The following GLI3 variants were observed in gnomAD, a reference collection of about 807,000 sequenced individuals.
GLI3 encodes the protein transcription activator GLI3.
A neutral mutation model predicts 100.8 loss-of-function variants in GLI3; 20 were observed. That is an observed-to-expected ratio of 0.20 (90% confidence interval 0.14 to 0.29). The LOEUF is 0.29. GLI3 is among the 10% of genes least tolerant of loss of function. GLI3 has a pLI of 1.00. For missense variants in GLI3, 2,040 were observed against 2,128.5 expected (o/e 0.96, Z 0.82); for synonymous variants, 938 against 860.5 (o/e 1.09, Z -1.58).
At chr7:42,196,841 G>C (rs146424930) in intron 2 of GLI3, among the ~76,000 whole-genome samples, 2 of 152,192 alleles carry the variant, frequency 1.3e-5, no homozygotes, top group African/African-American at 4.8e-5. Context: ...AAAAGGAAAT[G>C]TATCTGAATA....
At chr7:42,084,027 C>T (rs1183008492) in intron 3 of GLI3, among the ~76,000 whole-genome samples, 3 of 152,206 alleles carry the variant, frequency 2.0e-5, no homozygotes, top group Non-Finnish European at 4.4e-5. Flanking sequence ...TAAGCTTTTA[C>T]TTCTGGCAAC....
intron 1 of GLI3, among the ~76,000 whole-genome samples, chr7:42,228,462 C>T (rs1388816377): frequency 6.6e-6 from 1 of 152,228 alleles, no homozygotes; most frequent in African/African-American, 2.4e-5. Flanking sequence ...GAGAAGCGGT[C>T]TGTATCAAGG....
chr7:42,039,933 A>T, intron 7 of GLI3, 105 bp downstream of exon 7: 1 of 873,780 alleles, frequency 1.1e-6, no homozygotes. Context: ...ATGCACTTTT[A>T]TTCTTCCTCA....
In GLI3 at chr7:41,972,343, C is replaced by T. The variant is rs1203449618; in HGVS notation, c.2097G>A (p.Lys699=). 4.3e-6 allele frequency: 7 copies of T among 1,613,798 alleles called. No homozygotes were observed. Among genetic ancestry groups the T allele is most frequent in the Non-Finnish European group, 5.9e-6 (7 of 1,179,888 alleles). Residue 699 remains lysine (K), a synonymous_variant, in exon 13 of 15, where the codon AAG becomes AAA. Transcript: ENST00000395925. This position sits in a 1 kb window ranked among gnomAD's most constrained non-coding sequence, Gnocchi z 4.4. ...CLQVKTVKAE[K]PMTSQPSPGG... ...AGGAGAGTGAATGACATACCATTGG[C>T]TTCTCTGCCTTGACGGTTTTCACCT...
intron 10 of GLI3, among the ~76,000 whole-genome samples, chr7:41,989,987 CAAAAAAAAAA>C (rs60763223): frequency 4.8e-5 from 3 of 62,852 alleles, no homozygotes; most frequent in Non-Finnish European, 7.1e-5. Context: ...ACTCTGTCTC[CAAAAAAAAAA>C]AAAAAAAAAA....
intron 1 of GLI3, among the ~76,000 whole-genome samples, chr7:42,235,461 G>C (rs1390141754): frequency 2.0e-5 from 3 of 152,104 alleles, no homozygotes; most frequent in Non-Finnish European, 4.4e-5. Flanking sequence ...ATGCGCTCAA[G>C]CTGAAACTCT....
At chr7:42,090,058 G>A (rs1303225707) in intron 3 of GLI3, among the ~76,000 whole-genome samples, 4 of 152,108 alleles carry the variant, frequency 2.6e-5, no homozygotes, top group East Asian at 1.9e-4. Context: ...GTAGGCAACC[G>A]TAACACAATG....
At chr7:42,119,951 C>T (rs1361799777) in intron 3 of GLI3, among the ~76,000 whole-genome samples, 8 of 152,204 alleles carry the variant, frequency 5.3e-5, no homozygotes, top group Admixed American at 1.3e-4. Flanking sequence ...GAGTCATCCA[C>T]ACAAACTCAC....
intron 2 of GLI3, among the ~76,000 whole-genome samples, chr7:42,169,922 T>G (rs2128675715): frequency 6.6e-6 from 1 of 152,000 alleles, no homozygotes; most frequent in Middle Eastern, 3.4e-3. Flanking sequence ...ATTCAATTAC[T>G]TCTTATATTT....
intron 3 of GLI3, 93 bp downstream of exon 3, chr7:42,148,133 G>A (rs113847213): frequency 5.7e-5 from 65 of 1,149,012 alleles, no homozygotes; most frequent in South Asian, 4.1e-4. Flanking sequence ...TTCATAAAGC[G>A]CGCACACACA....
At chr7:42,226,173 A>G (rs1327177433) in intron 1 of GLI3, among the ~76,000 whole-genome samples, 1 of 152,224 alleles carries the variant, frequency 6.6e-6, no homozygotes. Context: ...TCCCTTCGAC[A>G]CACACATAAC....
intron 3 of GLI3, among the ~76,000 whole-genome samples, chr7:42,128,833 C>A (rs139502685): frequency 6.6e-6 from 1 of 152,146 alleles, no homozygotes; most frequent in East Asian, 1.9e-4. Context: ...TCACCCTGTG[C>A]GGCTGCCATT....
chr7:42,020,858 C>T (rs1328956285), intron 10 of GLI3, among the ~76,000 whole-genome samples: 1 of 146,922 alleles, frequency 6.8e-6, no homozygotes. Context: ...CCACTGCACT[C>T]CAGCCTGGGC....
intron 13 of GLI3, among the ~76,000 whole-genome samples, chr7:41,968,416 T>G (rs773303199): frequency 2.6e-5 from 4 of 152,144 alleles, no homozygotes; most frequent in Admixed American, 1.3e-4. Context: ...TAGCAATTAT[T>G]ATGATCCCGG....
At chr7:41,998,373 C>A (rs1315452805) in intron 10 of GLI3, among the ~76,000 whole-genome samples, 1 of 152,150 alleles carries the variant, frequency 6.6e-6, no homozygotes, top group African/African-American at 2.4e-5. Context: ...CCTGTAAAAA[C>A]CATTCAAAAG....
intron 4 of GLI3, among the ~76,000 whole-genome samples, chr7:42,072,992 G>A (rs1042026841): frequency 1.3e-5 from 2 of 152,100 alleles, no homozygotes; most frequent in Non-Finnish European, 2.9e-5. Flanking sequence ...CCGAGGAAAC[G>A]GGAAGATTCC....
At chr7:42,063,070 A>G (rs1443998984) in intron 4 of GLI3, among the ~76,000 whole-genome samples, 1 of 152,108 alleles carries the variant, frequency 6.6e-6, no homozygotes, top group African/African-American at 2.4e-5. Flanking sequence ...CCATCACACA[A>G]CACATGCTTG....
chr7:42,259,470 A>G (rs1789117881), intron 1 of GLI3, among the ~76,000 whole-genome samples: 1 of 152,222 alleles, frequency 6.6e-6, no homozygotes, highest in South Asian at 2.1e-4. Flanking sequence ...AACAAAAATG[A>G]CAACAATTAT....
intron 3 of GLI3, among the ~76,000 whole-genome samples, chr7:42,115,598 C>T (rs1207121307): frequency 6.6e-6 from 1 of 152,172 alleles, no homozygotes; most frequent in Non-Finnish European, 1.5e-5. Context: ...CTATTAAGTG[C>T]CCTGTAACAC....
Sources: allele counts gnomAD v4.1 joint callset (sites outside exome capture counted in the v4.1 genomes callset), GRCh38; gene constraint gnomAD v4.1.1; non-coding constraint Gnocchi (gnomAD v3.1); transcripts MANE v1.5; gene names NCBI Gene and HGNC (gene_info 2026-07-23, HGNC 2026-07-21).